Variants in EEF2 observed in about 807,000 individuals in gnomAD.
EEF2 encodes elongation factor 2.
EEF2 carries 21 observed loss-of-function variants against 85.3 expected under a neutral mutation model. That is an observed-to-expected ratio of 0.25 (90% CI 0.17 to 0.35). EEF2 has a LOEUF of 0.35. EEF2 is among the 10% of genes least tolerant of loss of function. The probability of loss-of-function intolerance (pLI) is 1.00; values close to 1 mark genes in which losing one functional copy is unlikely to be tolerated. For missense variants in EEF2, 825 were observed against 1,225.3 expected (o/e 0.67, Z 4.88); for synonymous variants, 723 against 508.8 (o/e 1.42, Z -5.67).
intron 11 of EEF2, among the ~76,000 whole-genome samples, chr19:3,978,803 C>CAAAAAAAAAAAAAAAAA (rs58074233): frequency 2.7e-5 from 1 of 36,832 alleles, no homozygotes; most frequent in African/African-American, 7.5e-5. Context: ...ACTCTTGTCT[C>CAAAAAAAAAAAAAAAAA]AAAAAAAAAA....
At chr19:3,983,678 A>T (rs2039783769) in intron 2 of EEF2, among the ~76,000 whole-genome samples, 1 of 152,102 alleles carries the variant, frequency 6.6e-6, no homozygotes, top group South Asian at 2.1e-4. Flanking sequence ...CCTTAGCCAG[A>T]GTCCCTCACC....
chr19:3,983,726 C>T (rs1273737942), intron 2 of EEF2: 11 of 301,478 alleles, frequency 3.6e-5, no homozygotes, highest in African/African-American at 1.3e-4. Flanking sequence ...TTGGGGTCAC[C>T]GTACTCTGCG....
In EEF2 at chr19:3,982,483, C is replaced by T. The variant is rs572508339; in HGVS notation, c.613-59G>A. On this transcript the variant is annotated intron_variant, in intron 4 of 14. Coordinates refer to ENST00000309311, the MANE Select transcript of EEF2 (RefSeq NM_001961.4). The stretch of plus-strand genomic sequence containing the variant: ...GGCCCCTGCGCAGAGCCTGAAGCTA[C>T]GGGCTGGGCGCCTTGGGCATGGGCC... 240 of 1,606,568 alleles carry T rather than the reference C, an allele frequency of 1.5e-4. 4 individuals are homozygous for T. The South Asian group carries it at 2.0e-3, about 13-fold the overall frequency.
At chr19:3,984,872 T>A (rs767768276) in intron 1 of EEF2, 5 of 167,808 alleles carry the variant, frequency 3.0e-5, no homozygotes, top group African/African-American at 1.2e-4. Flanking sequence ...TCTTTGTACA[T>A]CTGGGAGTCA....
chr19:3,983,794 A>C lies in EEF2; in HGVS notation c.218+342T>G. On this transcript the variant is annotated intron_variant, in intron 2 of 14. Coordinates refer to ENST00000309311, the MANE Select transcript of EEF2 (RefSeq NM_001961.4). ...CATGGAATGAACATCATCCAGTGCA[A>C]CACAGGAGCTTCCCAGCGTCCCAAG... 7.7e-6 allele frequency: 3 copies of C among 391,186 alleles called. No individual in the cohort carries two copies. The South Asian group carries it at 7.8e-5, about 10-fold the overall frequency. The allele number at this position is 391,186 out of a possible 1,614,324, so 24.2% of individuals were successfully genotyped here.
intron 4 of EEF2, 80 bp from the exon 5 acceptor site, chr19:3,982,504 G>A: frequency 1.3e-6 from 2 of 1,556,400 alleles, no homozygotes; most frequent in Non-Finnish European, 1.8e-6. Flanking sequence ...CCTTGGGCAT[G>A]GGCCTCAGAC....
chr19:3,978,803 C>CAAAAAAAAAAAAAA (rs58074233), intron 11 of EEF2, among the ~76,000 whole-genome samples: 5 of 36,832 alleles, frequency 1.4e-4, no homozygotes, highest in African/African-American at 2.2e-4. Context: ...ACTCTTGTCT[C>CAAAAAAAAAAAAAA]AAAAAAAAAA....
intron 4 of EEF2, 115 bp from the exon 5 acceptor site, chr19:3,982,539 G>A (rs773457721): frequency 2.3e-5 from 31 of 1,352,900 alleles, no homozygotes; most frequent in African/African-American, 2.9e-5. Flanking sequence ...GTAGACATCT[G>A]GTCAAAGTGA....
chr19:3,981,907 T>G (rs747646980), intron 6 of EEF2, 40 bp downstream of exon 6: 2 of 1,588,158 alleles, frequency 1.3e-6, no homozygotes, highest in African/African-American at 2.7e-5. Context: ...CGAGGGCCAA[T>G]AGTCGCATCG....
intron 7 of EEF2, 55 bp from the exon 8 acceptor site, chr19:3,981,034 C>A: frequency 6.5e-7 from 1 of 1,532,604 alleles, no homozygotes; most frequent in Middle Eastern, 2.3e-4. Context: ...GATGGCCCCA[C>A]CCCGTACACG....
chr19:3,978,278 G>A, intron 11 of EEF2, 106 bp from the exon 12 acceptor site: 1 of 940,540 alleles, frequency 1.1e-6, no homozygotes, highest in African/African-American at 1.7e-5. Flanking sequence ...CATACAGCCT[G>A]GTAGAGCCAC....
In EEF2 at chr19:3,977,200, C is replaced by T. The variant is rs780436610; in HGVS notation, c.2383+15G>A. ...GCCTGCCAGGCTCTGCAGGCCACAC[C>T]GGGCAGGCACTCACCAAAGGACTCG... On this transcript the variant is annotated intron_variant, in intron 14 of 14. Coordinates refer to ENST00000309311, the MANE Select transcript of EEF2 (RefSeq NM_001961.4). This position sits in a 1 kb window ranked among gnomAD's most constrained non-coding sequence, Gnocchi z 5.4. The T allele has an allele frequency of 3.1e-5, 50 of 1,610,602 alleles. No homozygotes were observed. The highest frequency in any genetic ancestry group is 5.0e-5 in the Admixed American group (3 of 59,814).
intron 6 of EEF2, 90 bp downstream of exon 6, chr19:3,981,857 C>T (rs556769594): frequency 1.7e-6 from 2 of 1,211,880 alleles, no homozygotes; most frequent in South Asian, 1.3e-5. Flanking sequence ...AGGAGACGGG[C>T]CCAGTCAGCC....
At chr19:3,980,806 C>T (rs1319467984) in intron 8 of EEF2, 35 bp downstream of exon 8, 2 of 1,584,026 alleles carry the variant, frequency 1.3e-6, no homozygotes, top group East Asian at 2.3e-5. Context: ...AGTCATCCGG[C>T]TGCATCTCAG....
Position 3,980,788 on chromosome 19 carries a change from C to CA in EEF2, c.1150+52dup, listed in dbSNP as rs2039735898. 1.1e-5 allele frequency: 18 copies of CA among 1,590,614 alleles called. No homozygotes were observed. In the Admixed American group the frequency reaches 1.6e-4, roughly 14 times the overall value. On this transcript the variant is annotated intron_variant, in intron 8 of 14. Transcript: ENST00000309311. The stretch of plus-strand genomic sequence containing the variant: ...GAACCCTGCAACCCACAACCTTGGG[C>CA]AACAGGAAGTCATCCGGCTGCATCT...
Position 3,984,367 on chromosome 19 carries a change from G to A in EEF2, c.4-17C>T, listed in dbSNP as rs368551747. The A allele has an allele frequency of 2.0e-5, 32 of 1,610,456 alleles. No homozygotes were observed. In the African/African-American group the frequency reaches 3.3e-4, roughly 17 times the overall value. ...GAAGTTCACCTGGGCAAGACAAGGA[G>A]GCTCAGACCAGCTCGTGATTTCCAG... On this transcript the variant is annotated splice_polypyrimidine_tract_variant and intron_variant, in intron 1 of 14. Coordinates refer to ENST00000309311, the MANE Select transcript of EEF2 (RefSeq NM_001961.4).
chr19:3,981,287 G>A (rs1181341783), intron 7 of EEF2, 52 bp downstream of exon 7: 26 of 1,563,100 alleles, frequency 1.7e-5, no homozygotes, highest in East Asian at 2.2e-5. Context: ...CAGAGCATCC[G>A]GAAACAGCAG....
At chr19:3,981,859 C>T in intron 6 of EEF2, 88 bp downstream of exon 6, 1 of 1,234,158 alleles carries the variant, frequency 8.1e-7, no homozygotes, top group East Asian at 2.3e-5. Flanking sequence ...GAGACGGGCC[C>T]AGTCAGCCGA....
chr19:3,980,120 GGAGGGCCAGGGCA>G, intron 9 of EEF2, 54 bp from the exon 10 acceptor site: 6 of 1,576,830 alleles, frequency 3.8e-6, no homozygotes, highest in Non-Finnish European at 5.2e-6. Context: ...GCTGGACCCT[GGAGGGCCAGGGCA>G]GGTCCCTCCC....
Sources: allele counts gnomAD v4.1 joint callset (sites outside exome capture counted in the v4.1 genomes callset), GRCh38; gene constraint gnomAD v4.1.1; non-coding constraint Gnocchi (gnomAD v3.1); transcripts MANE v1.5; gene names NCBI Gene and HGNC (gene_info 2026-07-23, HGNC 2026-07-21).